OPCML: variants seen among roughly 807,000 people sequenced by gnomAD.
OPCML encodes opioid binding protein/cell adhesion molecule like, also known as opioid-binding protein/cell adhesion molecule.
OPCML carries 13 observed loss-of-function variants against 37.8 expected under a neutral mutation model. The observed-to-expected ratio is 0.34, with a 90% CI of 0.22 to 0.55. The LOEUF (loss-of-function observed/expected upper bound fraction) is 0.55. Among genes scored for constraint, OPCML ranks in the 20% least tolerant of loss-of-function variants. The probability of loss-of-function intolerance (pLI) is 0.91; values close to 1 mark genes in which losing one functional copy is unlikely to be tolerated. For synonymous variants in OPCML, 176 were observed against 168.8 expected, an observed-to-expected ratio of 1.04 and a Z score of -0.33; for missense variants, 341 against 435.6, an observed-to-expected ratio of 0.78 and a Z score of 1.93.
At chr11:132,733,775 G>A (rs1945163282) in intron 2 of OPCML, among the ~76,000 whole-genome samples, 1 of 152,146 alleles carries the variant, frequency 6.6e-6, no homozygotes. Context: ...AGAAAGAGAT[G>A]AGATGAGCTG....
intron 3 of OPCML, among the ~76,000 whole-genome samples, chr11:132,545,393 A>C (rs2096366543): frequency 6.6e-6 from 1 of 152,140 alleles, no homozygotes; most frequent in African/African-American, 2.4e-5. Context: ...ATAGCGAAAT[A>C]TTTTTCTCTT....
At chr11:132,932,867 T>G (rs1012526509) in intron 2 of OPCML, among the ~76,000 whole-genome samples, 2 of 151,638 alleles carry the variant, frequency 1.3e-5, no homozygotes, top group East Asian at 3.9e-4. Flanking sequence ...TATTCCTTAT[T>G]TTTTTTTAAT....
At chr11:132,576,391 T>A (rs4130459) in intron 3 of OPCML, among the ~76,000 whole-genome samples, 13,419 of 152,014 alleles carry the variant, frequency 0.088, 1,235 homozygotes, top group African/African-American at 0.22. Context: ...AAATCCTTTT[T>A]TTTTTCTGCT....
intron 2 of OPCML, 72 bp downstream of exon 2, chr11:132,942,854 G>A: frequency 1.3e-6 from 2 of 1,586,672 alleles, no homozygotes; most frequent in Non-Finnish European, 8.6e-7. Flanking sequence ...GGAGCCTTCT[G>A]CCCCCTCTTC....
intron 1 of OPCML, among the ~76,000 whole-genome samples, chr11:133,489,636 A>T (rs1947609739): frequency 6.6e-6 from 1 of 152,146 alleles, no homozygotes; most frequent in African/African-American, 2.4e-5. Context: ...CGGAATGTAA[A>T]TTAATACAAA....
At chr11:133,532,109 G>C (rs116098038) in intron 1 of OPCML, 155 bp downstream of exon 1, 7 of 725,664 alleles carry the variant, frequency 9.6e-6, no homozygotes, top group Non-Finnish European at 1.2e-5. Flanking sequence ...GTGTGTGTGC[G>C]TGCACACAGC....
chr11:133,232,850 A>G lies in OPCML; in HGVS notation c.62-289840T>C, dbSNP rs528463797. ...ATAAAATTACCTTCTAATCAAATGC[A>G]TCATTAAAAGTACAGACATTAGATC... On this transcript the variant is annotated intron_variant, in intron 1 of 7. Coordinates refer to ENST00000524381, the MANE Select transcript of OPCML (RefSeq NM_001012393.5). Among the ~76,000 whole-genome samples the G allele has an allele frequency of 7.2e-5, 11 of 152,354 alleles. No individual in the cohort carries two copies. The East Asian group carries it at 1.9e-3, about 27-fold the overall frequency.
At chr11:132,814,176 A>C (rs1328713851) in intron 2 of OPCML, among the ~76,000 whole-genome samples, 1 of 152,220 alleles carries the variant, frequency 6.6e-6, no homozygotes, top group Non-Finnish European at 1.5e-5. Flanking sequence ...GTAGCAAGTG[A>C]TATGTACGAG....
At chr11:133,038,839 A>G (rs981208659) in intron 1 of OPCML, among the ~76,000 whole-genome samples, 8 of 149,294 alleles carry the variant, frequency 5.4e-5, no homozygotes, top group Admixed American at 5.3e-4. Flanking sequence ...AAAAAAAAAA[A>G]CCCTGCTGCC....
chr11:133,290,748 A>G (rs1341394289), intron 1 of OPCML, among the ~76,000 whole-genome samples: 1 of 152,224 alleles, frequency 6.6e-6, no homozygotes, highest in African/African-American at 2.4e-5. Flanking sequence ...GCTTCCCAGA[A>G]CTATTTGGAA....
intron 2 of OPCML, among the ~76,000 whole-genome samples, chr11:132,784,614 T>C (rs1947146009): frequency 1.3e-5 from 2 of 152,070 alleles, no homozygotes; most frequent in African/African-American, 4.8e-5. Flanking sequence ...TATGTTGAAA[T>C]GTGACCTCCA....
At chr11:133,017,443 G>C (rs992473060) in intron 1 of OPCML, among the ~76,000 whole-genome samples, 1 of 151,690 alleles carries the variant, frequency 6.6e-6, no homozygotes, top group African/African-American at 2.4e-5. Flanking sequence ...TGTCACCCAG[G>C]CTGGAGTGCA....
At chr11:133,171,501 C>T (rs1184349629) in intron 1 of OPCML, among the ~76,000 whole-genome samples, 1 of 152,200 alleles carries the variant, frequency 6.6e-6, no homozygotes, top group Non-Finnish European at 1.5e-5. Flanking sequence ...GTTCTTAAAA[C>T]CTCATGTTTC....
At chr11:133,105,296 A>C (rs968235603) in intron 1 of OPCML, among the ~76,000 whole-genome samples, 3 of 152,228 alleles carry the variant, frequency 2.0e-5, no homozygotes, top group African/African-American at 7.2e-5. Flanking sequence ...TATTCAGACT[A>C]AGTGTAGTTG....
At chr11:133,024,849 C>T (rs998999426) in intron 1 of OPCML, 203 of 985,280 alleles carry the variant, frequency 2.1e-4, no homozygotes, top group Non-Finnish European at 2.4e-4. Context: ...AAAGGACCTG[C>T]TTTCATGTCC....
At chr11:133,262,427 G>T (rs1106737) in intron 1 of OPCML, among the ~76,000 whole-genome samples, 19,219 of 152,208 alleles carry the variant, frequency 0.13, 2,160 homozygotes, top group East Asian at 0.53. Context: ...TGAGGAAAAT[G>T]GAGAGACTGG....
chr11:133,435,150 T>C (rs1322039457), intron 1 of OPCML, among the ~76,000 whole-genome samples: 2 of 152,126 alleles, frequency 1.3e-5, no homozygotes, highest in Non-Finnish European at 2.9e-5. Context: ...GGGTCACTTA[T>C]ATTTTTCAGT....
chr11:132,711,702 G>A (rs930477181), intron 2 of OPCML, among the ~76,000 whole-genome samples: 2 of 152,154 alleles, frequency 1.3e-5, no homozygotes. Flanking sequence ...GTATGTGTGT[G>A]TACATATACA....
intron 1 of OPCML, among the ~76,000 whole-genome samples, chr11:133,350,368 C>G (rs753279609): frequency 1.7e-4 from 26 of 152,258 alleles, no homozygotes; most frequent in Non-Finnish European, 2.6e-4. Flanking sequence ...AAGAAATTGA[C>G]AATTTTAATA....
Sources: allele counts gnomAD v4.1 joint callset (sites outside exome capture counted in the v4.1 genomes callset), GRCh38; gene constraint gnomAD v4.1.1; transcripts MANE v1.5; gene names NCBI Gene and HGNC (gene_info 2026-07-23, HGNC 2026-07-21).